The following LRMDA variants were observed in gnomAD, a reference collection of about 807,000 sequenced individuals.
LRMDA encodes the protein leucine rich melanocyte differentiation associated.
LRMDA carries 18 observed loss-of-function variants against 29.8 expected under a neutral mutation model. That is an observed-to-expected ratio of 0.60 (90% confidence interval 0.42 to 0.90). LRMDA has a LOEUF of 0.90. Among genes scored for constraint, LRMDA ranks in the 40% least tolerant of loss-of-function variants. The probability of loss-of-function intolerance (pLI) is 0.00; values close to 1 mark genes in which losing one functional copy is unlikely to be tolerated. For synonymous variants in LRMDA, 125 were observed against 109.4 expected (o/e 1.14, Z -0.89); for missense variants, 273 against 273.9 (o/e 1.00, Z 0.02).
chr10:75,502,604 C>G (rs769337110), intron 2 of LRMDA, among the ~76,000 whole-genome samples: 4 of 152,124 alleles, frequency 2.6e-5, no homozygotes, highest in African/African-American at 4.8e-5. Flanking sequence ...TCTAGCTGAT[C>G]CTGGCCTCAG....
intron 2 of LRMDA, among the ~76,000 whole-genome samples, chr10:75,522,869 T>C (rs554059685): frequency 1.3e-4 from 20 of 152,252 alleles, no homozygotes; most frequent in African/African-American, 4.8e-4. Context: ...CCTGGAAGTG[T>C]CATTGGTAGA....
chr10:75,718,727 C>T (rs1842531155), intron 2 of LRMDA, among the ~76,000 whole-genome samples: 2 of 152,228 alleles, frequency 1.3e-5, no homozygotes, highest in Non-Finnish European at 1.5e-5. Flanking sequence ...ACTGTAAAAA[C>T]AGAGTAGGTA....
At chr10:76,049,534 A>G (rs1434586851) in intron 4 of LRMDA, among the ~76,000 whole-genome samples, 1 of 152,040 alleles carries the variant, frequency 6.6e-6, no homozygotes, top group East Asian at 1.9e-4. Context: ...TAATCTCTTT[A>G]TTTTTTACTG....
chr10:76,048,054 C>T (rs1352394087), intron 4 of LRMDA, among the ~76,000 whole-genome samples: 1 of 152,158 alleles, frequency 6.6e-6, no homozygotes, highest in Non-Finnish European at 1.5e-5. Flanking sequence ...TCTGTGTTCT[C>T]ATTGTTGATT....
chr10:75,747,726 C>T (rs1481049711), intron 2 of LRMDA, among the ~76,000 whole-genome samples: 1 of 152,024 alleles, frequency 6.6e-6, no homozygotes, highest in Non-Finnish European at 1.5e-5. Flanking sequence ...AGAATCTAGC[C>T]CTTCATTTTA....
intron 5 of LRMDA, among the ~76,000 whole-genome samples, chr10:76,248,771 G>A (rs956690311): frequency 6.6e-6 from 1 of 152,208 alleles, no homozygotes; most frequent in African/African-American, 2.4e-5. Context: ...ACAGCGGAAG[G>A]CTTTGTGCAG....
intron 5 of LRMDA, among the ~76,000 whole-genome samples, chr10:76,111,721 G>C (rs906888455): frequency 6.6e-6 from 1 of 152,094 alleles, no homozygotes; most frequent in Non-Finnish European, 1.5e-5. Flanking sequence ...TTATTTACTT[G>C]CTCCACCCTC....
chr10:75,820,400 G>A (rs1283171202), intron 2 of LRMDA, among the ~76,000 whole-genome samples: 4 of 152,212 alleles, frequency 2.6e-5, no homozygotes, highest in Non-Finnish European at 4.4e-5. Context: ...CTGATCATAT[G>A]TGATTGTTGG....
intron 6 of LRMDA, among the ~76,000 whole-genome samples, chr10:76,332,642 G>A (rs1054083427): frequency 6.6e-6 from 1 of 152,172 alleles, no homozygotes; most frequent in African/African-American, 2.4e-5. Context: ...CAAAATGGAA[G>A]CCTAGAATGT....
intron 6 of LRMDA, among the ~76,000 whole-genome samples, chr10:76,392,795 C>T (rs1008107435): frequency 2.0e-5 from 3 of 151,984 alleles, no homozygotes; most frequent in Admixed American, 1.3e-4. Flanking sequence ...CTTATTTCTC[C>T]TATTTAATTG....
chr10:75,460,161 T>G (rs1426696187), intron 2 of LRMDA, among the ~76,000 whole-genome samples: 1 of 152,216 alleles, frequency 6.6e-6, no homozygotes, highest in Non-Finnish European at 1.5e-5. Context: ...TATTTTCCCC[T>G]TAAAGTTCAT....
At chr10:75,802,960 A>G (rs567119691) in intron 2 of LRMDA, among the ~76,000 whole-genome samples, 26 of 127,244 alleles carry the variant, frequency 2.0e-4, no homozygotes, top group African/African-American at 7.6e-4. Flanking sequence ...GTGTGTATAT[A>G]TATATATATA....
At chr10:75,647,842 C>T (rs1285413971) in intron 2 of LRMDA, among the ~76,000 whole-genome samples, 1 of 152,158 alleles carries the variant, frequency 6.6e-6, no homozygotes, top group Non-Finnish European at 1.5e-5. Context: ...TAGTCTCTCT[C>T]TGGTCCCACT....
At chr10:75,635,347 T>G (rs1472060455) in intron 2 of LRMDA, among the ~76,000 whole-genome samples, 1 of 152,136 alleles carries the variant, frequency 6.6e-6, no homozygotes, top group Admixed American at 6.5e-5. Context: ...CAAGCAGGAT[T>G]TGGCCTTTCG....
At chr10:76,478,276 A>T (rs910121570) in intron 6 of LRMDA, among the ~76,000 whole-genome samples, 2 of 152,208 alleles carry the variant, frequency 1.3e-5, no homozygotes, top group African/African-American at 4.8e-5. Context: ...ACATTTATGC[A>T]GCCAACAGAC....
intron 2 of LRMDA, among the ~76,000 whole-genome samples, chr10:76,010,416 A>C (rs1847756734): frequency 6.6e-6 from 1 of 151,026 alleles, no homozygotes; most frequent in Non-Finnish European, 1.5e-5. Context: ...GAGTTCAAGC[A>C]ATTCTCCTGC....
chr10:75,860,887 T>C (rs561693615), intron 2 of LRMDA, among the ~76,000 whole-genome samples: 1 of 152,322 alleles, frequency 6.6e-6, no homozygotes, highest in South Asian at 2.1e-4. Context: ...CTGCCACTTA[T>C]TGAACATGGG....
At chr10:76,311,632 C>A (rs546386510) in intron 5 of LRMDA, among the ~76,000 whole-genome samples, 1 of 152,198 alleles carries the variant, frequency 6.6e-6, no homozygotes, top group East Asian at 1.9e-4. Context: ...TTTACTACCA[C>A]GATTATATTT....
intron 2 of LRMDA, among the ~76,000 whole-genome samples, chr10:76,029,317 A>C (rs911784926): frequency 6.6e-6 from 1 of 152,238 alleles, no homozygotes; most frequent in Non-Finnish European, 1.5e-5. Context: ...ATTAAAAAGC[A>C]GTATATAAAT....
Sources: gnomAD v4.1 joint callset for allele counts (sites outside exome capture counted in the v4.1 genomes callset) on GRCh38, gnomAD v4.1.1 for gene constraint, MANE v1.5 for transcripts, NCBI Gene and HGNC (gene_info 2026-07-23, HGNC 2026-07-21) for gene names.